The following DCC variants were observed in gnomAD, a reference collection of about 807,000 sequenced individuals.
The protein encoded by DCC is DCC netrin 1 receptor, also known as netrin receptor DCC.
DCC carries 58 observed loss-of-function variants against 172.5 expected under a neutral mutation model. That is an observed-to-expected ratio of 0.34 (90% confidence interval 0.27 to 0.42). The LOEUF is 0.42. DCC is among the 10% of genes least tolerant of loss of function. DCC has a pLI of 1.00. For missense variants in DCC, 1,740 were observed against 1,791.0 expected, an observed-to-expected ratio of 0.97 and a Z score of 0.51; for synonymous variants, 709 against 644.5, an observed-to-expected ratio of 1.10 and a Z score of -1.52.
At chr18:52,968,596 T>G (rs2040972534) in intron 5 of DCC, among the ~76,000 whole-genome samples, 1 of 152,110 alleles carries the variant, frequency 6.6e-6, no homozygotes, top group Admixed American at 6.6e-5. Context: ...TGTTTGGAAT[T>G]TACCTCTTAA....
chr18:52,842,291 T>C (rs529122320), intron 2 of DCC, among the ~76,000 whole-genome samples: 149 of 152,256 alleles, frequency 9.8e-4, no homozygotes, highest in Non-Finnish European at 1.8e-3. Context: ...TATAAGGTAT[T>C]GTTCACTTGA....
chr18:52,439,174 T>TTGTGTGTGTGTGTGTGTGTG (rs60983168), intron 1 of DCC, among the ~76,000 whole-genome samples: 27 of 144,846 alleles, frequency 1.9e-4, no homozygotes, highest in Admixed American at 6.2e-4. Flanking sequence ...AAGATATGTT[T>TTGTGTGTGTGTGTGTGTGTG]TGTGTGTGTG....
chr18:52,878,558 C>A (rs1415445609), intron 2 of DCC, among the ~76,000 whole-genome samples: 1 of 152,140 alleles, frequency 6.6e-6, no homozygotes, highest in African/African-American at 2.4e-5. Flanking sequence ...TTTCTGACCT[C>A]CCCATTTAAA....
At chr18:52,598,774 T>G (rs1458704020) in intron 1 of DCC, among the ~76,000 whole-genome samples, 1 of 152,160 alleles carries the variant, frequency 6.6e-6, no homozygotes, top group Non-Finnish European at 1.5e-5. Context: ...CAGAAATTTA[T>G]TTTTTTCATA....
At position 53,185,949 on chromosome 18, in the gene DCC, C is replaced by T. The variant is rs114969844; in HGVS notation, c.1573+6833C>T. Among the ~76,000 whole-genome samples the T allele has an allele frequency of 9.2e-4, 140 of 152,288 alleles. 1 individual carries two copies. The highest frequency in any genetic ancestry group is 3.2e-3 in the African/African-American group (133 of 41,566). On this transcript the variant is annotated intron_variant, in intron 9 of 28. Transcript: ENST00000442544. ...TTTATTTACTTAAGTTAGTTAATCA[C>T]ATTAAAAATCCATTACCTGGAAAAA...
chr18:53,009,080 T>A (rs529498763), intron 5 of DCC, among the ~76,000 whole-genome samples: 2 of 152,086 alleles, frequency 1.3e-5, no homozygotes, highest in South Asian at 4.1e-4. Flanking sequence ...TGTGGATTCC[T>A]CATCTCACAG....
intron 21 of DCC, among the ~76,000 whole-genome samples, chr18:53,426,160 C>G (rs989882047): frequency 6.6e-6 from 1 of 150,516 alleles, no homozygotes; most frequent in African/African-American, 2.4e-5. Flanking sequence ...TGTGAGACAT[C>G]AAGAATGTGG....
At chr18:52,568,603 A>T (rs367839774) in intron 1 of DCC, among the ~76,000 whole-genome samples, 12 of 151,840 alleles carry the variant, frequency 7.9e-5, no homozygotes, top group African/African-American at 1.4e-4. Flanking sequence ...AATAAATATT[A>T]TTTTTTTTCA....
chr18:52,393,315 G>A (rs1028567382), intron 1 of DCC, among the ~76,000 whole-genome samples: 7 of 152,106 alleles, frequency 4.6e-5, no homozygotes, highest in Non-Finnish European at 8.8e-5. Context: ...ATAGTTTGAA[G>A]AAAGCACATC....
intron 1 of DCC, among the ~76,000 whole-genome samples, chr18:52,524,056 C>T (rs2031903219): frequency 6.6e-6 from 1 of 152,122 alleles, no homozygotes; most frequent in Non-Finnish European, 1.5e-5. Flanking sequence ...TGTTGTTACA[C>T]CAAGTTTCTC....
intron 19 of DCC, among the ~76,000 whole-genome samples, chr18:53,409,651 C>T (rs930211123): frequency 5.3e-5 from 8 of 152,022 alleles, no homozygotes; most frequent in East Asian, 1.9e-4. Flanking sequence ...TGAATTTGTT[C>T]GGGTGCATAT....
intron 1 of DCC, among the ~76,000 whole-genome samples, chr18:52,395,069 G>A (rs550436119): frequency 1.3e-5 from 2 of 152,014 alleles, no homozygotes; most frequent in Non-Finnish European, 2.9e-5. Context: ...AACTGTACAA[G>A]CCAAAGCTAC....
intron 12 of DCC, among the ~76,000 whole-genome samples, chr18:53,260,555 C>G (rs748137271): frequency 1.3e-5 from 2 of 152,084 alleles, no homozygotes; most frequent in Non-Finnish European, 2.9e-5. Context: ...CCTGATCGTT[C>G]CTCTGGAAGT....
intron 2 of DCC, among the ~76,000 whole-genome samples, chr18:52,856,621 A>G (rs1365503978): frequency 4.9e-5 from 5 of 102,206 alleles, no homozygotes; most frequent in Admixed American, 1.1e-4. Flanking sequence ...GCAAGACTCC[A>G]TCTCAAAAAA....
intron 15 of DCC, among the ~76,000 whole-genome samples, chr18:53,351,310 TATATAC>T (rs1256857221): frequency 3.2e-5 from 1 of 30,904 alleles, no homozygotes; most frequent in African/African-American, 6.2e-5. Flanking sequence ...TATATATATA[TATATAC>T]ACTGTATATA....
chr18:53,517,763 G>A (rs1598839881), intron 27 of DCC, among the ~76,000 whole-genome samples: 1 of 152,038 alleles, frequency 6.6e-6, no homozygotes, highest in Admixed American at 6.6e-5. Context: ...AGAACACAAT[G>A]TTTCTCTCCC....
chr18:53,256,643 C>T (rs1215870335), intron 12 of DCC, among the ~76,000 whole-genome samples: 1 of 152,188 alleles, frequency 6.6e-6, no homozygotes, highest in Admixed American at 6.5e-5. Context: ...AGTCAGGTAG[C>T]ATGATGCCTC....
chr18:53,166,214 G>A (rs1041652030), intron 8 of DCC, among the ~76,000 whole-genome samples: 3 of 151,596 alleles, frequency 2.0e-5, no homozygotes, highest in African/African-American at 7.3e-5. Flanking sequence ...CCAGTGTAGA[G>A]ATCATTGTGC....
At chr18:53,090,698 C>CAAAAAAAAAAAAAAAACAAAAA (rs2042991027) in intron 7 of DCC, among the ~76,000 whole-genome samples, 2 of 39,356 alleles carry the variant, frequency 5.1e-5, no homozygotes, top group Admixed American at 4.8e-4. Context: ...CGTCCCCCAA[C>CAAAAAAAAAAAAAAAACAAAAA]AAAAAAAAAA....
Sources: allele counts gnomAD v4.1 joint callset (sites outside exome capture counted in the v4.1 genomes callset), GRCh38; gene constraint gnomAD v4.1.1; transcripts MANE v1.5; gene names NCBI Gene and HGNC (gene_info 2026-07-23, HGNC 2026-07-21).